The following TEX26 variants were observed in gnomAD, a reference collection of about 807,000 sequenced individuals.
TEX26 encodes the protein testis-expressed protein 26.
In TEX26, 34 loss-of-function variants were observed where a neutral mutation model predicts 35.3. That is an observed-to-expected ratio of 0.96 (90% CI 0.73 to 1.28). TEX26 has a LOEUF of 1.28. Among genes scored for constraint, TEX26 ranks in the 50% most tolerant of loss-of-function variants. The pLI is 0.00. For missense variants in TEX26, 371 were observed against 330.1 expected (o/e 1.12, Z -0.96); for synonymous variants, 136 against 111.8 (o/e 1.22, Z -1.36).
At chr13:30,967,844 C>T (rs539997708) in intron 5 of TEX26, among the ~76,000 whole-genome samples, 2 of 152,320 alleles carry the variant, frequency 1.3e-5, no homozygotes, top group African/African-American at 4.8e-5. Context: ...GCCTGCACCT[C>T]AGACCCCCAT....
At chr13:30,967,774 A>G (rs1487411979) in intron 5 of TEX26, among the ~76,000 whole-genome samples, 2 of 152,214 alleles carry the variant, frequency 1.3e-5, no homozygotes, top group Non-Finnish European at 2.9e-5. Flanking sequence ...AGTTTCTGGA[A>G]TATTAGAACT....
chr13:30,952,561 T>C, intron 2 of TEX26, 99 bp from the exon 3 acceptor site: 1 of 1,058,378 alleles, frequency 9.4e-7, no homozygotes, highest in Non-Finnish European at 1.3e-6. Flanking sequence ...CCAATCAATC[T>C]TTTTAAAAAA....
chr13:30,970,166 TGA>T (rs1292498614), intron 6 of TEX26, among the ~76,000 whole-genome samples: 2 of 74,806 alleles, frequency 2.7e-5, no homozygotes, highest in African/African-American at 1.1e-4. Flanking sequence ...AGGGTGTGTG[TGA>T]GTGTGTGTGT....
chr13:30,939,709 G>A lies in TEX26; in HGVS notation c.77G>A (p.Trp26Ter), dbSNP rs777006189. The A allele has an allele frequency of 2.5e-6, 4 of 1,613,896 alleles. No homozygotes were observed. The South Asian group carries it at 4.4e-5, about 18-fold the overall frequency. Residue 26 changes from tryptophan to a stop codon, truncating the protein, a stop_gained, in exon 2 of 7, where the codon TGG becomes TAG. Coordinates refer to ENST00000380473, the MANE Select transcript of TEX26 (RefSeq NM_152325.3). LOFTEE classifies it high-confidence loss of function. ...GTACTTTTAGCAGATGACCCCAACT[G>A]GGATTCCTATGCTACCACTATGAGG... ...HNLQPTDDPN[W>*]DSYATTMRTA...
At chr13:30,969,071 A>G (rs1954634755) in intron 6 of TEX26, 25 bp downstream of exon 6, 1 of 1,599,732 alleles carries the variant, frequency 6.3e-7, no homozygotes, top group Middle Eastern at 1.7e-4. Flanking sequence ...TATTTCACAC[A>G]CTTACAGATC....
chr13:30,950,163 T>C (rs2138234612), intron 2 of TEX26, among the ~76,000 whole-genome samples: 1 of 152,232 alleles, frequency 6.6e-6, no homozygotes, highest in East Asian at 1.9e-4. Context: ...CCCAACACTT[T>C]GGGAGGCCAA....
rs1405798159 is a variant in TEX26, at chr13:30,952,648, G to T, written c.147-12G>T. 1 of 1,560,412 alleles carries T rather than the reference G, an allele frequency of 6.4e-7. No individual in the cohort carries two copies. Among genetic ancestry groups the T allele is most frequent in the Non-Finnish European group, 8.6e-7 (1 of 1,159,438 alleles). On this transcript the variant is annotated splice_polypyrimidine_tract_variant and intron_variant, in intron 2 of 6. Transcript: ENST00000380473. ...AACCTCTAACTCTAATTTCTGCTGG[G>T]TTTTTTTATAGCCAAAACGGTATCA...
chr13:30,974,131 A>AAAAAAT lies in TEX26; in HGVS notation c.809-714_809-713insAAAATA. ...GTGAGCCTCCATCTAAAAAAAAAAA[A>AAAAAAT]ATATATATATATATATATATATATA... On this transcript the variant is annotated intron_variant, in intron 6 of 6. Transcript: ENST00000380473. 3.1e-3 allele frequency among the ~76,000 whole-genome samples: 264 copies of AAAAAAT among 84,412 alleles called. 4 individuals are homozygous for AAAAAAT. The highest frequency in any genetic ancestry group is 4.4e-3 in the African/African-American group (92 of 21,060). 55.4% of individuals were successfully genotyped at this position (84,412 alleles called of 152,430 possible).
chr13:30,949,319 A>AT, intron 2 of TEX26, among the ~76,000 whole-genome samples: 1 of 152,308 alleles, frequency 6.6e-6, no homozygotes. Flanking sequence ...CATATTTTGA[A>AT]TATATTTTTA....
At chr13:30,965,861 T>C (rs928073569) in intron 4 of TEX26, among the ~76,000 whole-genome samples, 4 of 152,080 alleles carry the variant, frequency 2.6e-5, no homozygotes, top group African/African-American at 9.7e-5. Context: ...GTATTTACAC[T>C]AAAAAAGTCA....
rs1566152466 is a variant in TEX26 at position 30,952,834 on chromosome 13, A to AT, written c.312+10dup. ...AATCTCATCTCAATGAAGTAAGATA[A>AT]TATCTACATATGTGTTGAATTTAAT... is the stretch of plus-strand genomic sequence containing the variant. On this transcript the variant is annotated intron_variant, in intron 3 of 6. Transcript: ENST00000380473. The AT allele has an allele frequency of 6.2e-7, 1 of 1,609,674 alleles. No homozygotes were observed. Among genetic ancestry groups the AT allele is most frequent in the Non-Finnish European group, 8.5e-7 (1 of 1,177,396 alleles).
chr13:30,974,309 A>T (rs1415364647), intron 6 of TEX26, among the ~76,000 whole-genome samples: 1 of 151,860 alleles, frequency 6.6e-6, no homozygotes, highest in East Asian at 1.9e-4. Flanking sequence ...AGTATCGGTG[A>T]GTAAAAAAAC....
Position 30,932,826 on chromosome 13 carries a change from C to A in TEX26, c.61+50C>A, listed in dbSNP as rs994803544. 1.9e-6 allele frequency: 3 copies of A among 1,591,996 alleles called. No homozygotes were observed. In the African/African-American group the frequency reaches 4.0e-5, roughly 21 times the overall value. ...TGCGGGGCGGGGCTGGGGTCTTTCCCGGGGAAAGGGTCCTGTTGAGAAAAA... is the reference window on the plus strand; with the variant it reads ...TGCGGGGCGGGGCTGGGGTCTTTCCAGGGGAAAGGGTCCTGTTGAGAAAAA... On this transcript the variant is annotated intron_variant, in intron 1 of 6. Coordinates refer to ENST00000380473, the MANE Select transcript of TEX26 (RefSeq NM_152325.3).
intron 3 of TEX26, among the ~76,000 whole-genome samples, chr13:30,955,063 C>T (rs145009268): frequency 1.1e-3 from 164 of 152,312 alleles, no homozygotes; most frequent in African/African-American, 3.7e-3. Flanking sequence ...CCTTGTGAAA[C>T]ACCATTTATT....
At chr13:30,955,320 C>G (rs1163195492) in intron 3 of TEX26, among the ~76,000 whole-genome samples, 1 of 152,220 alleles carries the variant, frequency 6.6e-6, no homozygotes. Context: ...TCTGGATACA[C>G]CTGCCAATTT....
intron 4 of TEX26, among the ~76,000 whole-genome samples, chr13:30,958,375 G>A (rs1447753680): frequency 2.6e-5 from 4 of 152,212 alleles, no homozygotes. Flanking sequence ...CTTTTCCTAA[G>A]TTACTGAGAA....
chr13:30,934,698 C>T (rs539537969), intron 1 of TEX26, among the ~76,000 whole-genome samples: 3 of 152,306 alleles, frequency 2.0e-5, no homozygotes, highest in African/African-American at 7.2e-5. Flanking sequence ...TCCATGGAGC[C>T]CGTGGGAGCT....
intron 2 of TEX26, among the ~76,000 whole-genome samples, chr13:30,941,073 CT>C (rs1953486935): frequency 1.3e-5 from 2 of 152,208 alleles, no homozygotes; most frequent in African/African-American, 4.8e-5. Flanking sequence ...ATTATCTCTG[CT>C]ACCTTGCGCA....
rs201530985 is a variant in TEX26, at chr13:30,952,816, T to C, written c.303T>C (p.His101=). The C allele has an allele frequency of 2.5e-6, 4 of 1,612,606 alleles. No homozygotes were observed. In the Admixed American group the frequency reaches 5.0e-5, roughly 20 times the overall value. ...GAGGAATCAAGAGCCACAAATCTCATCTCAATGAAGTAAGATAATATCTAC... is the reference window on the plus strand; with the variant it reads ...GAGGAATCAAGAGCCACAAATCTCACCTCAATGAAGTAAGATAATATCTAC... The part of the protein sequence containing the change: ...TSRGIKSHKS[H]LNEDIFLWTL... Residue 101 remains histidine (H), a synonymous_variant, in exon 3 of 7, where the codon CAT becomes CAC. Coordinates refer to ENST00000380473, the MANE Select transcript of TEX26 (RefSeq NM_152325.3).
Sources: allele counts gnomAD v4.1 joint callset (sites outside exome capture counted in the v4.1 genomes callset), GRCh38; gene constraint gnomAD v4.1.1; transcripts MANE v1.5; gene names NCBI Gene and HGNC (gene_info 2026-07-23, HGNC 2026-07-21).